ZNF607: variants seen among roughly 807,000 people sequenced by gnomAD.
ZNF607 encodes the protein zinc finger protein 607.
Under a neutral mutation model 12.8 loss-of-function variants are expected in ZNF607, and 5 were observed. The ratio of observed to expected loss-of-function variants is 0.39; its 90% CI spans 0.20 to 0.82. The LOEUF (loss-of-function observed/expected upper bound fraction) is 0.82, where lower values mean the gene tolerates loss of function less well. ZNF607 is among the 40% of genes least tolerant of loss of function. The pLI, the probability that ZNF607 is intolerant of heterozygous loss-of-function variation, is 0.39. For missense variants in ZNF607, 851 were observed against 859.2 expected (o/e 0.99, Z 0.12); for synonymous variants, 287 against 276.2 (o/e 1.04, Z -0.39).
rs73039009 is a variant in ZNF607, at chr19:37,719,234, C to T, written c.-75+35G>A. Reference sequence around the variant, plus strand: ...AAGCACGCTTTACAAAGGACACACACGGCATGTACAGGTCACACAAGGTCG... The same window carrying T: ...AAGCACGCTTTACAAAGGACACACATGGCATGTACAGGTCACACAAGGTCG... On this transcript the variant is annotated intron_variant, in intron 1 of 4. Coordinates refer to ENST00000355202, the MANE Select transcript of ZNF607 (RefSeq NM_032689.5). 0.043 allele frequency: 6,577 copies of T among 153,190 alleles called. 147 individuals are homozygous for T. Among genetic ancestry groups the T allele is most frequent in the Middle Eastern group, 0.11 (33 of 296 alleles). 9.5% of individuals were successfully genotyped at this position (153,190 alleles called of 1,614,324 possible). A position where few individuals can be genotyped will look rare whatever the true frequency, so the allele number is the denominator to read the frequency against.
chr19:37,715,425 G>C (rs111897375), intron 1 of ZNF607, among the ~76,000 whole-genome samples: 22 of 151,538 alleles, frequency 1.5e-4, no homozygotes, highest in African/African-American at 5.3e-4. Flanking sequence ...TGACCAACAT[G>C]GTAAAACCCC....
intron 4 of ZNF607, among the ~76,000 whole-genome samples, chr19:37,706,970 C>T (rs1223429984): frequency 9.9e-5 from 15 of 152,106 alleles, no homozygotes; most frequent in Admixed American, 9.8e-4. Flanking sequence ...GGATTATAGG[C>T]AGTGCCACCA....
At position 37,696,712 on chromosome 19, in the gene ZNF607, T is replaced by A; in HGVS notation, c.*1328A>T. The A allele has an allele frequency of 1.2e-6, 1 of 834,148 alleles. No homozygotes were observed. The highest frequency in any genetic ancestry group is 2.0e-6 in the Non-Finnish European group (1 of 491,770). The allele number at this position is 834,148 out of a possible 1,614,324, so 51.7% of individuals were successfully genotyped here. A position where few individuals can be genotyped will look rare whatever the true frequency, so the allele number is the denominator to read the frequency against. On this transcript the variant is annotated 3_prime_UTR_variant, in exon 5 of 5. Transcript: ENST00000355202. ...CTGGTATGCAATGTCTTCTGCAGCT[T>A]CCAGCTTGCACAGCTCGCTCTGGCC...
intron 4 of ZNF607, among the ~76,000 whole-genome samples, chr19:37,706,081 C>T (rs1011831882): frequency 6.6e-6 from 1 of 152,000 alleles, no homozygotes; most frequent in African/African-American, 2.4e-5. Context: ...ATAGTTCCAG[C>T]TGCTCGAGAG....
rs2045000867 is a variant in ZNF607 at position 37,698,505 on chromosome 19, A to G, written c.1626T>C (p.Phe542=). 2 of 1,611,860 alleles carry G rather than the reference A, an allele frequency of 1.2e-6. No individual in the cohort carries two copies. Among genetic ancestry groups the G allele is most frequent in the African/African-American group, 1.3e-5 (1 of 74,884 alleles). Reference sequence around the variant, plus strand: ...GGGCTTTAAGTACAGAAATGAACCTAAAAGACTTCCCGCATTTGTTGCATT... The same window carrying G: ...GGGCTTTAAGTACAGAAATGAACCTGAAAGACTTCCCGCATTTGTTGCATT... The part of the protein sequence containing the change: ...PFECNKCGKS[F]RFISVLKAHQ... The change falls in exon 5 of 5, where the codon TTT becomes TTC. Residue 542 remains phenylalanine, a synonymous_variant. Coordinates refer to ENST00000355202, the MANE Select transcript of ZNF607 (RefSeq NM_032689.5).
rs540990783 is a variant in ZNF607 at position 37,710,048 on chromosome 19, G to A, written c.10-226C>T. ...CGCATGCCTGCACTCCCAGCTACTC[G>A]GGAGGCTGAGATAGGGGAATCACTT... On this transcript the variant is annotated intron_variant, in intron 2 of 4. Transcript: ENST00000355202. Among the ~76,000 whole-genome samples the A allele has an allele frequency of 7.9e-5, 12 of 152,052 alleles. No homozygotes were observed. In the East Asian group the frequency reaches 1.5e-3, roughly 20 times the overall value.
intron 1 of ZNF607, among the ~76,000 whole-genome samples, chr19:37,718,616 C>T (rs1040679298): frequency 1.3e-5 from 2 of 152,192 alleles, no homozygotes; most frequent in African/African-American, 4.8e-5. Context: ...ACTACACCTT[C>T]AGCTAGGCCC....
intron 4 of ZNF607, among the ~76,000 whole-genome samples, chr19:37,702,250 G>A (rs1176040193): frequency 7.8e-6 from 1 of 127,690 alleles, no homozygotes; most frequent in Admixed American, 1.0e-4. Flanking sequence ...TTGCGCCATT[G>A]CACTCCAGCC....
Position 37,702,905 on chromosome 19 carries a change from G to T in ZNF607, c.236-3010C>A, listed in dbSNP as rs1001118350. ...CACTACCTAAAATAAATTACTCAAG[G>T]AGATACAACCCAAAAGTCAACAGGT... On this transcript the variant is annotated intron_variant, in intron 4 of 4. Coordinates refer to ENST00000355202, the MANE Select transcript of ZNF607 (RefSeq NM_032689.5). Among the ~76,000 whole-genome samples the T allele has an allele frequency of 7.2e-5, 11 of 151,830 alleles. 1 individual carries two copies. In the South Asian group the frequency reaches 2.1e-3, roughly 29 times the overall value.
chr19:37,713,763 T>C (rs1283875083), intron 1 of ZNF607, among the ~76,000 whole-genome samples: 1 of 152,066 alleles, frequency 6.6e-6, no homozygotes, highest in East Asian at 1.9e-4. Context: ...ACCACAAAAT[T>C]CACAGGTACA....
At chr19:37,718,698 G>A (rs2145255877) in intron 1 of ZNF607, among the ~76,000 whole-genome samples, 1 of 152,234 alleles carries the variant, frequency 6.6e-6, no homozygotes, top group South Asian at 2.1e-4. Context: ...AGACCCTTTC[G>A]CCTCCGTATC....
In ZNF607 at chr19:37,698,416, T is replaced by A; in HGVS notation, c.1715A>T (p.His572Leu). The change falls in exon 5 of 5, where the codon CAT becomes CTT. Residue 572 changes from histidine to leucine, a missense_variant. Coordinates refer to ENST00000355202, the MANE Select transcript of ZNF607 (RefSeq NM_032689.5). ...ECKECGKAFR[H>L]ATSLIYHDRT... Reference sequence around the variant, plus strand: ...GTCATGATATATGAGGCTTGTGGCATGACGAAAGGCCTTGCCACATTCCTT... The same window carrying A: ...GTCATGATATATGAGGCTTGTGGCAAGACGAAAGGCCTTGCCACATTCCTT... 1 of 1,614,198 alleles carries A rather than the reference T, an allele frequency of 6.2e-7. No homozygotes were observed. The highest frequency in any genetic ancestry group is 8.5e-7 in the Non-Finnish European group (1 of 1,180,018).
In ZNF607 at chr19:37,697,251, C is replaced by T. The variant is rs941659453; in HGVS notation, c.*789G>A. 1.3e-6 allele frequency: 1 copy of T among 770,926 alleles called. No individual in the cohort carries two copies. The highest frequency in any genetic ancestry group is 1.4e-5 in the South Asian group (1 of 73,124). The allele number at this position is 770,926 out of a possible 1,614,324, so 47.8% of individuals were successfully genotyped here. ...TGGGATGAGAAAGTGAGTCCCTTCC[C>T]CTACCACAATGTTCTGTACTCCACG... On this transcript the variant is annotated 3_prime_UTR_variant, in exon 5 of 5. Coordinates refer to ENST00000355202, the MANE Select transcript of ZNF607 (RefSeq NM_032689.5).
At chr19:37,705,776 C>G (rs1239292213) in intron 4 of ZNF607, among the ~76,000 whole-genome samples, 1 of 151,536 alleles carries the variant, frequency 6.6e-6, no homozygotes, top group Non-Finnish European at 1.5e-5. Context: ...AATTGAAAAT[C>G]TGAAAAAGAA....
chr19:37,704,022 C>A (rs890736775), intron 4 of ZNF607, among the ~76,000 whole-genome samples: 6 of 151,908 alleles, frequency 3.9e-5, no homozygotes, highest in African/African-American at 1.5e-4. Flanking sequence ...GTAGTCCCAG[C>A]TACTCAGAGG....
intron 4 of ZNF607, among the ~76,000 whole-genome samples, chr19:37,704,401 C>A (rs1329785644): frequency 6.6e-6 from 1 of 152,134 alleles, no homozygotes; most frequent in East Asian, 1.9e-4. Flanking sequence ...CAATTCAAGT[C>A]ATAAAAAGCA....
At chr19:37,706,746 G>A (rs542734540) in intron 4 of ZNF607, among the ~76,000 whole-genome samples, 3 of 152,140 alleles carry the variant, frequency 2.0e-5, no homozygotes, top group African/African-American at 2.4e-5. Flanking sequence ...GTTGGAGTGC[G>A]GTATTGTGAT....
chr19:37,715,047 C>T (rs2045165021), intron 1 of ZNF607, among the ~76,000 whole-genome samples: 1 of 151,906 alleles, frequency 6.6e-6, no homozygotes. Flanking sequence ...GCTGGAACTA[C>T]AGGCGTGTGC....
Position 37,698,582 on chromosome 19 carries a change from A to T in ZNF607, c.1549T>A (p.Ser517Thr). The T allele has an allele frequency of 6.2e-7, 1 of 1,613,384 alleles. No homozygotes were observed. Among genetic ancestry groups the T allele is most frequent in the Non-Finnish European group, 8.5e-7 (1 of 1,179,800 alleles). ...CTCAGATGCTGAGTAAGTTGTCCAG[A>T]TACACTAAAGGCCTTCCCACATTCC... ...CKECGKAFSV[S>T]GQLTQHLSIH... is the part of the protein sequence containing the mutation. Residue 517 changes from serine (S) to threonine (T), a missense_variant, in exon 5 of 5, where the codon TCT becomes ACT. By Grantham distance (58) the Ser-to-Thr change is moderately conservative. Coordinates refer to ENST00000355202, the MANE Select transcript of ZNF607 (RefSeq NM_032689.5).
Sources: gnomAD v4.1 joint callset for allele counts (sites outside exome capture counted in the v4.1 genomes callset) on GRCh38, gnomAD v4.1.1 for gene constraint, MANE v1.5 for transcripts, NCBI Gene and HGNC (gene_info 2026-07-23, HGNC 2026-07-21) for gene names.